Variants in CLYBL observed in about 807,000 individuals in gnomAD.
CLYBL encodes the protein citramalyl-CoA lyase, also known as citramalyl-CoA lyase, mitochondrial.
A neutral mutation model predicts 38.9 loss-of-function variants in CLYBL; 31 were observed. The observed-to-expected ratio is 0.80, with a 90% CI of 0.60 to 1.08. The LOEUF is 1.08. CLYBL is among the 50% of genes least tolerant of loss of function. The pLI is 0.00. For missense variants in CLYBL, 434 were observed against 411.6 expected (o/e 1.05, Z -0.47); for synonymous variants, 171 against 158.6 (o/e 1.08, Z -0.59).
chr13:99,762,358 G>A (rs899582557), intron 1 of CLYBL, among the ~76,000 whole-genome samples: 1 of 152,242 alleles, frequency 6.6e-6, no homozygotes, highest in African/African-American at 2.4e-5. Context: ...GTGAGAGATA[G>A]GGGTCTAGTT....
chr13:99,649,329 C>T (rs759595606), intron 1 of CLYBL, among the ~76,000 whole-genome samples: 5 of 152,096 alleles, frequency 3.3e-5, no homozygotes, highest in African/African-American at 9.7e-5. Flanking sequence ...TGTGGGGAAA[C>T]GGTTTTAACT....
At chr13:99,751,075 A>G (rs1301723444) in intron 1 of CLYBL, among the ~76,000 whole-genome samples, 2 of 152,198 alleles carry the variant, frequency 1.3e-5, no homozygotes, top group African/African-American at 2.4e-5. Context: ...CACTATTCAC[A>G]TTAGCAAAGA....
intron 1 of CLYBL, among the ~76,000 whole-genome samples, chr13:99,621,559 T>C (rs1426620605): frequency 6.6e-6 from 1 of 152,198 alleles, no homozygotes; most frequent in Non-Finnish European, 1.5e-5. Flanking sequence ...GCCAGGCCTG[T>C]TGATTTTCCC....
chr13:99,780,083 G>T (rs2049609159), intron 2 of CLYBL, among the ~76,000 whole-genome samples: 1 of 152,052 alleles, frequency 6.6e-6, no homozygotes, highest in South Asian at 2.1e-4. Context: ...AGAGAGTCTA[G>T]TTGAAATCTA....
intron 1 of CLYBL, among the ~76,000 whole-genome samples, chr13:99,768,186 CTTTTTCTT>C (rs1340717819): frequency 2.4e-5 from 2 of 83,950 alleles, no homozygotes; most frequent in Non-Finnish European, 4.8e-5. Context: ...CAAGTCTTTT[CTTTTTCTT>C]TTTTTTTTTT....
intron 1 of CLYBL, among the ~76,000 whole-genome samples, chr13:99,619,897 C>G (rs1202765901): frequency 2.0e-5 from 3 of 152,134 alleles, no homozygotes; most frequent in Non-Finnish European, 4.4e-5. Flanking sequence ...CATTTGAGCT[C>G]AATTTGACCA....
At chr13:99,772,235 T>C (rs1180747422) in intron 1 of CLYBL, among the ~76,000 whole-genome samples, 2 of 152,316 alleles carry the variant, frequency 1.3e-5, no homozygotes, top group East Asian at 3.9e-4. Flanking sequence ...ATACTGGAAG[T>C]GTTTTCCAAG....
chr13:99,827,857 A>C (rs1373013944), intron 2 of CLYBL, among the ~76,000 whole-genome samples: 10 of 152,220 alleles, frequency 6.6e-5, no homozygotes, highest in Admixed American at 5.2e-4. Flanking sequence ...GCCAAGGCTC[A>C]CTTGCGCAGA....
chr13:99,769,311 A>G (rs1481237215), intron 1 of CLYBL, among the ~76,000 whole-genome samples: 4 of 152,186 alleles, frequency 2.6e-5, no homozygotes, highest in South Asian at 2.1e-4. Flanking sequence ...CAAGCCTTCA[A>G]TAGATTCCAA....
chr13:99,845,622 T>A (rs970311233), intron 2 of CLYBL, among the ~76,000 whole-genome samples: 10 of 152,178 alleles, frequency 6.6e-5, no homozygotes, highest in African/African-American at 2.4e-4. Context: ...GATCGGAAGC[T>A]CCCAGTGTTT....
chr13:99,615,303 CGG>C (rs992026896), intron 1 of CLYBL, among the ~76,000 whole-genome samples: 2 of 152,172 alleles, frequency 1.3e-5, no homozygotes, highest in African/African-American at 2.4e-5. Context: ...CCATTTTATG[CGG>C]GACTCCCTGT....
rs143285186 is a variant in CLYBL at position 99,830,872 on chromosome 13, T to G, written c.250-27989T>G. 1.7e-3 allele frequency among the ~76,000 whole-genome samples: 252 copies of G among 152,318 alleles called. 3 individuals carry two copies. Among genetic ancestry groups the G allele is most frequent in the East Asian group, 6.4e-3 (33 of 5,184 alleles). On this transcript the variant is annotated intron_variant, in intron 2 of 8. Transcript: ENST00000339105. ...TGGGACCTGTGAATGTGACCTTATTTGGAAAAATGGTCTTTGCCGATGAAG... is the reference window on the plus strand; with the variant it reads ...TGGGACCTGTGAATGTGACCTTATTGGGAAAAATGGTCTTTGCCGATGAAG...
At chr13:99,798,555 T>C (rs541075351) in intron 2 of CLYBL, among the ~76,000 whole-genome samples, 4 of 152,240 alleles carry the variant, frequency 2.6e-5, no homozygotes, top group Non-Finnish European at 5.9e-5. Context: ...TGAAGATCAT[T>C]TTAATTGGAA....
At position 99,691,661 on chromosome 13, in the gene CLYBL, C is replaced by G. The variant is rs867311229; in HGVS notation, c.63-81163C>G. Among the ~76,000 whole-genome samples the G allele has an allele frequency of 3.3e-5, 5 of 151,992 alleles. No homozygotes were observed. In the South Asian group the frequency reaches 1.0e-3, roughly 32 times the overall value. ...GAGTATTTTTAGTGTAATCACTGTA[C>G]GTGATAAGAAAATGGAGAAATGAGA... On this transcript the variant is annotated intron_variant, in intron 1 of 8. Transcript: ENST00000339105.
intron 2 of CLYBL, among the ~76,000 whole-genome samples, chr13:99,781,783 GT>G (rs1285129925): frequency 6.6e-6 from 1 of 152,102 alleles, no homozygotes; most frequent in Non-Finnish European, 1.5e-5. Context: ...TGGCCAGTTT[GT>G]TTATTTTCTT....
At chr13:99,741,764 A>G (rs1188340467) in intron 1 of CLYBL, among the ~76,000 whole-genome samples, 1 of 152,232 alleles carries the variant, frequency 6.6e-6, no homozygotes, top group Non-Finnish European at 1.5e-5. Context: ...GGCATGAGCC[A>G]CCGTGCCCAG....
chr13:99,873,657 T>G (rs1408843468), intron 7 of CLYBL, among the ~76,000 whole-genome samples: 1 of 142,692 alleles, frequency 7.0e-6, no homozygotes, highest in East Asian at 1.9e-4. Context: ...CATAAAGGTA[T>G]AGCTGAAGTT....
At chr13:99,658,708 A>G (rs912662337) in intron 1 of CLYBL, among the ~76,000 whole-genome samples, 2 of 149,904 alleles carry the variant, frequency 1.3e-5, no homozygotes, top group African/African-American at 2.5e-5. Flanking sequence ...GGGTTTATCC[A>G]TTTTGATTAA....
intron 2 of CLYBL, among the ~76,000 whole-genome samples, chr13:99,854,535 C>T (rs1328119219): frequency 6.6e-6 from 1 of 151,950 alleles, no homozygotes; most frequent in Non-Finnish European, 1.5e-5. Flanking sequence ...CTGTACTTCA[C>T]ACTCGATTTA....
Sources: allele counts gnomAD v4.1 joint callset (sites outside exome capture counted in the v4.1 genomes callset), GRCh38; gene constraint gnomAD v4.1.1; transcripts MANE v1.5; gene names NCBI Gene and HGNC (gene_info 2026-07-23, HGNC 2026-07-21).